Variants in ASMT observed in about 807,000 individuals in gnomAD.
ASMT encodes the protein acetylserotonin N-methyltransferase.
In ASMT, 53 loss-of-function variants were observed where a neutral mutation model predicts 41.3. The ratio of observed to expected loss-of-function variants is 1.28; its 90% CI spans 1.03 to 1.61. The LOEUF is 1.61. Among genes scored for constraint, ASMT ranks in the 40% most tolerant of loss-of-function variants. The probability of loss-of-function intolerance (pLI) is 0.00; values close to 1 mark genes in which losing one functional copy is unlikely to be tolerated. For synonymous variants in ASMT, 231 were observed against 184.8 expected, an observed-to-expected ratio of 1.25 and a Z score of -2.03; for missense variants, 531 against 441.3, an observed-to-expected ratio of 1.20 and a Z score of -1.82.
intron 1 of ASMT, among the ~76,000 whole-genome samples, chrX:1,618,151 A>T (rs1403670905): frequency 6.6e-6 from 1 of 150,766 alleles, no homozygotes; most frequent in Non-Finnish European, 1.5e-5. Flanking sequence ...GCTAACTTTT[A>T]TTTTTATTTT....
At chrX:1,632,986 T>C (rs1934834003) in intron 6 of ASMT, 164 bp from the exon 7 acceptor site, 1 of 219,860 alleles carries the variant, frequency 4.5e-6, no homozygotes, top group Non-Finnish European at 7.6e-6. Context: ...GTTCTGCACA[T>C]GTACCCTAGA....
At chrX:1,615,307 C>G in intron 1 of ASMT, 39 bp downstream of exon 1, 1 of 1,518,860 alleles carries the variant, frequency 6.6e-7, no homozygotes, top group Non-Finnish European at 9.0e-7. Context: ...AATAGACTTC[C>G]GTTCATCACA....
chrX:1,620,831 G>T (rs1209945569), intron 1 of ASMT, among the ~76,000 whole-genome samples: 1 of 152,074 alleles, frequency 6.6e-6, no homozygotes, highest in Non-Finnish European at 1.5e-5. Flanking sequence ...GGAGGTTGCC[G>T]TGAGGCGTGA....
chrX:1,617,335 T>C (rs1257038540), intron 1 of ASMT, among the ~76,000 whole-genome samples: 1 of 151,212 alleles, frequency 6.6e-6, no homozygotes, highest in Non-Finnish European at 1.5e-5. Flanking sequence ...CCAGGCATGA[T>C]GGTGGGCACC....
At chrX:1,627,648 T>C (rs761944437) in intron 3 of ASMT, 55 bp from the exon 4 acceptor site, 288 of 848,252 alleles carry the variant, frequency 3.4e-4, no homozygotes, top group African/African-American at 1.0e-3. Context: ...TGAAATGAAA[T>C]GAAATGAAAT....
intron 1 of ASMT, among the ~76,000 whole-genome samples, chrX:1,618,707 G>C (rs1934228200): frequency 6.6e-6 from 1 of 152,240 alleles, no homozygotes; most frequent in African/African-American, 2.4e-5. Flanking sequence ...AAAGTGCTAG[G>C]ATTATAGGCA....
At chrX:1,628,501 T>C (rs1423725747) in intron 4 of ASMT, among the ~76,000 whole-genome samples, 1 of 151,984 alleles carries the variant, frequency 6.6e-6, no homozygotes. Context: ...CGTCCAGTGT[T>C]CCAGCTGGCT....
Position 1,627,729 on chromosome X carries a change from C to G in ASMT, c.401C>G (p.Thr134Arg), listed in dbSNP as rs139938699. ...GAAGGAAGGAACCAGTACCTGGAGA[C>G]GTTTGGCGTTCCCGCTGAAGAGCTT... ...VREGRNQYLETFGVPAEELFT... is the reference protein window; with the variant it reads ...VREGRNQYLERFGVPAEELFT... The change falls in exon 4 of 9, where the codon ACG (threonine) becomes AGG (arginine). Residue 134 changes from threonine (T) to arginine (R), a missense_variant. Physicochemically the swap from Thr to Arg is moderately conservative, Grantham distance 71 (BLOSUM62 -1). Transcript: ENST00000381241. 1.2e-6 allele frequency: 2 copies of G among 1,613,814 alleles called. No individual in the cohort carries two copies.
intron 5 of ASMT, among the ~76,000 whole-genome samples, chrX:1,631,062 C>T (rs1358245607): frequency 5.5e-5 from 8 of 144,188 alleles, no homozygotes. Context: ...AGGCGCCCGC[C>T]ACCACGCCCA....
intron 1 of ASMT, among the ~76,000 whole-genome samples, chrX:1,617,079 G>A (rs1390131062): frequency 1.2e-4 from 18 of 152,160 alleles, no homozygotes; most frequent in East Asian, 3.9e-4. Context: ...AGGCTGAGGC[G>A]GGAGGATCGC....
chrX:1,617,224 T>A (rs192539630), intron 1 of ASMT, among the ~76,000 whole-genome samples: 2,957 of 151,434 alleles, frequency 0.02, 35 homozygotes, highest in Non-Finnish European at 0.03. Context: ...ATCCCAGCAC[T>A]TTTTGGGGTC....
intron 4 of ASMT, among the ~76,000 whole-genome samples, chrX:1,628,198 G>A (rs1445725938): frequency 6.6e-6 from 1 of 152,120 alleles, no homozygotes; most frequent in Non-Finnish European, 1.5e-5. Flanking sequence ...GCGGACGCCT[G>A]TAATCCCAGC....
intron 7 of ASMT, among the ~76,000 whole-genome samples, chrX:1,635,141 AT>A (rs762432316): frequency 0.29 from 38,358 of 134,196 alleles, 5,639 homozygotes; most frequent in East Asian, 0.69. Flanking sequence ...CGCCCAGCTA[AT>A]TTTTTTTTTT....
intron 3 of ASMT, among the ~76,000 whole-genome samples, chrX:1,625,622 A>AAG (rs1292600763): frequency 7.7e-5 from 11 of 142,802 alleles, no homozygotes; most frequent in East Asian, 4.4e-4. Flanking sequence ...GAAGGAAAGA[A>AAG]AGAGAGAGAG....
chrX:1,624,496 T>C (rs368298789), intron 3 of ASMT, 98 bp downstream of exon 3: 2 of 1,261,184 alleles, frequency 1.6e-6, no homozygotes, highest in Non-Finnish European at 2.1e-6. Flanking sequence ...TGGGAGGTGG[T>C]GGCTGACCCC....
intron 1 of ASMT, among the ~76,000 whole-genome samples, chrX:1,620,018 G>A (rs1314673221): frequency 3.3e-5 from 5 of 151,014 alleles, no homozygotes; most frequent in South Asian, 2.1e-4. Flanking sequence ...CCTTGAACCC[G>A]GGAGGCGGAG....
chrX:1,617,201 G>A (rs1409638480), intron 1 of ASMT, among the ~76,000 whole-genome samples: 3 of 151,800 alleles, frequency 2.0e-5, no homozygotes, highest in African/African-American at 7.3e-5. Flanking sequence ...GGGCGCGGTG[G>A]CTCATGCCTG....
intron 1 of ASMT, among the ~76,000 whole-genome samples, chrX:1,619,267 A>G (rs1173177927): frequency 1.3e-5 from 2 of 151,168 alleles, no homozygotes; most frequent in Admixed American, 6.6e-5. Flanking sequence ...GGTGGCGGGC[A>G]CCTGTAGTAC....
intron 1 of ASMT, among the ~76,000 whole-genome samples, chrX:1,617,094 G>C: frequency 6.6e-6 from 1 of 152,006 alleles, no homozygotes; most frequent in East Asian, 1.9e-4. Context: ...GATCGCTTAA[G>C]CCTAGGAGAT....
Sources: gnomAD v4.1 joint callset for allele counts (sites outside exome capture counted in the v4.1 genomes callset) on GRCh38, gnomAD v4.1.1 for gene constraint, MANE v1.5 for transcripts, NCBI Gene and HGNC (gene_info 2026-07-23, HGNC 2026-07-21) for gene names.